CDC42BPB: variants seen among roughly 807,000 people sequenced by gnomAD.
The protein encoded by CDC42BPB is CDC42 binding protein kinase beta.
A neutral mutation model predicts 214.9 loss-of-function variants in CDC42BPB; 37 were observed. The ratio of observed to expected loss-of-function variants is 0.17; its 90% CI spans 0.13 to 0.23. The LOEUF is 0.23. Among genes scored for constraint, CDC42BPB ranks in the 10% least tolerant of loss-of-function variants. CDC42BPB has a pLI of 1.00. For synonymous variants in CDC42BPB, 931 were observed against 884.0 expected (o/e 1.05, Z -0.94); for missense variants, 1,694 against 2,227.0 (o/e 0.76, Z 4.82).
chr14:102,934,734 G>A lies in CDC42BPB; in HGVS notation c.5005-891C>T, dbSNP rs142651227. 2.6e-3 allele frequency among the ~76,000 whole-genome samples: 391 copies of A among 152,086 alleles called. 2 individuals are homozygous for A. The highest frequency in any genetic ancestry group is 8.4e-3 in the African/African-American group (347 of 41,502). On this transcript the variant is annotated intron_variant, in intron 36 of 36. Coordinates refer to ENST00000361246, the MANE Select transcript of CDC42BPB (RefSeq NM_006035.4). ...TTTCCCCTAAGATCAGCCACGGGCCGGGTGCGGTGGCTCACACCTGTAATC... is the reference window on the plus strand; with the variant it reads ...TTTCCCCTAAGATCAGCCACGGGCCAGGTGCGGTGGCTCACACCTGTAATC...
chr14:103,034,626 C>G (rs1002865130), intron 1 of CDC42BPB, among the ~76,000 whole-genome samples: 1 of 152,074 alleles, frequency 6.6e-6, no homozygotes, highest in East Asian at 1.9e-4. Context: ...CGAGACCAAC[C>G]TGGCCAACAT....
At position 103,012,157 on chromosome 14, in the gene CDC42BPB, C is replaced by A; in HGVS notation, c.207G>T (p.Met69Ile). Residue 69 changes from methionine to isoleucine, a missense_variant, in exon 2 of 37, where the codon ATG (methionine) becomes ATT (isoleucine). Met to Ile is a conservative substitution (Grantham distance 10, BLOSUM62 1). This residue lies in a region of CDC42BPB where 225 missense variants were observed against 459.3 expected (regional missense o/e 0.49). Coordinates refer to ENST00000361246, the MANE Select transcript of CDC42BPB (RefSeq NM_006035.4). Reference protein sequence around the residue: ...AKPFTQLVKEMQLHREDFEII... With the variant: ...AKPFTQLVKEIQLHREDFEII... Reference sequence around the variant, plus strand: ...TTTCAAAGTCTTCTCGATGAAGCTGCATTTCTTTCACCAGCTGTGTAAATG... The same window carrying A: ...TTTCAAAGTCTTCTCGATGAAGCTGAATTTCTTTCACCAGCTGTGTAAATG... The A allele has an allele frequency of 6.2e-7, 1 of 1,613,742 alleles. No individual in the cohort carries two copies. The highest frequency in any genetic ancestry group is 1.1e-5 in the South Asian group (1 of 91,076).
chr14:102,998,601 G>T (rs1439849355), intron 5 of CDC42BPB, among the ~76,000 whole-genome samples: 1 of 152,256 alleles, frequency 6.6e-6, no homozygotes, highest in African/African-American at 2.4e-5. Flanking sequence ...AGTCACTGGG[G>T]AGCTGCCCTC....
chr14:102,964,729 T>C, intron 18 of CDC42BPB, 79 bp from the exon 19 acceptor site: 1 of 1,468,630 alleles, frequency 6.8e-7, no homozygotes, highest in Non-Finnish European at 9.0e-7. Context: ...TAAGTTATCT[T>C]TGTCTAACCT....
rs1892199153 is a variant in CDC42BPB at position 102,946,772 on chromosome 14, C to T, written c.3532-88G>A. 3 of 1,530,730 alleles carry T rather than the reference C, an allele frequency of 2.0e-6. No homozygotes were observed. In the East Asian group the frequency reaches 6.9e-5, roughly 35 times the overall value. 94.8% of individuals were successfully genotyped at this position (1,530,730 alleles called of 1,614,324 possible). A position where few individuals can be genotyped will look rare whatever the true frequency, so the allele number is the denominator to read the frequency against. ...CCACGGCCCTGCTGGAGCCACGCAC[C>T]CCAGGAGCAACGGGGGCTGATGTGC... On this transcript the variant is annotated intron_variant, in intron 27 of 36. Transcript: ENST00000361246.
At chr14:102,978,668 A>G (rs1362252923) in intron 8 of CDC42BPB, among the ~76,000 whole-genome samples, 1 of 152,200 alleles carries the variant, frequency 6.6e-6, no homozygotes, top group African/African-American at 2.4e-5. Flanking sequence ...AGATAAGTTT[A>G]TTATAACTCT....
chr14:102,963,808 A>G (rs1404282594), intron 19 of CDC42BPB, among the ~76,000 whole-genome samples: 1 of 152,244 alleles, frequency 6.6e-6, no homozygotes, highest in Admixed American at 6.5e-5. Context: ...AAGTCAATTT[A>G]ACTGAAACCT....
intron 31 of CDC42BPB, 48 bp from the exon 32 acceptor site, chr14:102,940,178 T>G (rs751338823): frequency 6.2e-7 from 1 of 1,613,512 alleles, no homozygotes; most frequent in South Asian, 1.1e-5. Flanking sequence ...ACGCACAGAC[T>G]GCACCGGGAG....
intron 5 of CDC42BPB, among the ~76,000 whole-genome samples, chr14:102,997,339 A>T (rs1006055067): frequency 6.6e-6 from 1 of 152,188 alleles, no homozygotes; most frequent in East Asian, 1.9e-4. Flanking sequence ...CACATGGAAT[A>T]AAGGCACTGA....
intron 20 of CDC42BPB, 135 bp downstream of exon 20, chr14:102,962,923 ATGC>A: frequency 1.8e-6 from 1 of 549,254 alleles, no homozygotes; most frequent in Non-Finnish European, 3.2e-6. Flanking sequence ...TTGTTTGAAA[ATGC>A]TGATTTTGGA....
chr14:103,053,421 A>T (rs1489443928), intron 1 of CDC42BPB, among the ~76,000 whole-genome samples: 1 of 151,878 alleles, frequency 6.6e-6, no homozygotes, highest in African/African-American at 2.4e-5. Context: ...CATAGAGGAA[A>T]CCAATCAAGC....
At chr14:102,979,997 C>T (rs1236681576) in intron 8 of CDC42BPB, among the ~76,000 whole-genome samples, 2 of 152,202 alleles carry the variant, frequency 1.3e-5, no homozygotes, top group African/African-American at 2.4e-5. Context: ...AACACCAATG[C>T]AGACACAAAG....
At chr14:102,999,218 C>T (rs1267527914) in intron 5 of CDC42BPB, among the ~76,000 whole-genome samples, 8 of 114,090 alleles carry the variant, frequency 7.0e-5, no homozygotes, top group African/African-American at 2.1e-4. Flanking sequence ...GGGTCTTGGG[C>T]GGTAGAGACA....
At chr14:102,959,767 TTCAGACAGAC>T in intron 20 of CDC42BPB, 57 bp from the exon 21 acceptor site, 1 of 1,551,898 alleles carries the variant, frequency 6.4e-7, no homozygotes, top group East Asian at 2.3e-5. Context: ...ACATATTATT[TTCAGACAGAC>T]TCAGTGTCTT....
At chr14:103,017,456 G>A (rs1886531130) in intron 1 of CDC42BPB, among the ~76,000 whole-genome samples, 1 of 152,028 alleles carries the variant, frequency 6.6e-6, no homozygotes, top group Admixed American at 6.6e-5. Context: ...AATTACGCAG[G>A]GAAAATGGTG....
intron 24 of CDC42BPB, 80 bp from the exon 25 acceptor site, chr14:102,950,682 A>G (rs1408879319): frequency 1.4e-6 from 2 of 1,401,244 alleles, no homozygotes; most frequent in Non-Finnish European, 1.9e-6. Flanking sequence ...CTGAGGAGGC[A>G]ATTTAATAAT....
rs374433562 is a variant in CDC42BPB, at chr14:102,992,496, G to A, written c.597-5916C>T. On this transcript the variant is annotated intron_variant, in intron 5 of 36. Transcript: ENST00000361246. ...TGCTCCTCTCGTTACGGAAGAGGCA[G>A]CTGAGGAGCAGTGACTGCTGCCGCC... 3.2e-4 allele frequency among the ~76,000 whole-genome samples: 48 copies of A among 152,324 alleles called. 6 individuals carry two copies. Among genetic ancestry groups the A allele is most frequent in the Admixed American group, 2.0e-3 (31 of 15,300 alleles).
At chr14:102,950,061 G>C (rs1172643355) in intron 25 of CDC42BPB, 157 bp from the exon 26 acceptor site, 9 of 985,378 alleles carry the variant, frequency 9.1e-6, no homozygotes, top group African/African-American at 1.7e-5. Context: ...GCGTTGCTGG[G>C]GAGGGGTCCA....
rs536492132 is a variant in CDC42BPB, at chr14:103,005,019, T to A, written c.352-996A>T. Among the ~76,000 whole-genome samples, 208 of 148,376 alleles carry A rather than the reference T, an allele frequency of 1.4e-3. 1 individual carries two copies. Among genetic ancestry groups the A allele is most frequent in the African/African-American group, 4.9e-3 (198 of 40,152 alleles). On this transcript the variant is annotated intron_variant, in intron 3 of 36. Transcript: ENST00000361246. ...CGTCTCTATTAAAAATACAAAAAAA[T>A]TAGCTGGGTGTGGTGGTGGGCGCCT... is the stretch of plus-strand genomic sequence containing the variant.
Sources: gnomAD v4.1 joint callset for allele counts (sites outside exome capture counted in the v4.1 genomes callset) on GRCh38, gnomAD v4.1.1 for gene constraint, gnomAD v4.1.1 regional missense constraint, MANE v1.5 for transcripts, NCBI Gene and HGNC (gene_info 2026-07-23, HGNC 2026-07-21) for gene names.